Variants in PLEKHA2 observed in about 807,000 individuals in gnomAD.
PLEKHA2 encodes the protein pleckstrin homology domain-containing family A member 2.
A neutral mutation model predicts 53.2 loss-of-function variants in PLEKHA2; 28 were observed. That is an observed-to-expected ratio of 0.53 (90% CI 0.39 to 0.72). The LOEUF (loss-of-function observed/expected upper bound fraction) is 0.72, where lower values mean the gene tolerates loss of function less well. PLEKHA2 is among the 30% of genes least tolerant of loss of function. PLEKHA2 has a pLI of 0.00. For synonymous variants in PLEKHA2, 193 were observed against 196.4 expected, an observed-to-expected ratio of 0.98 and a Z score of 0.14; for missense variants, 426 against 537.9, an observed-to-expected ratio of 0.79 and a Z score of 2.06.
At chr8:38,938,011 T>C (rs1222653794) in intron 3 of PLEKHA2, among the ~76,000 whole-genome samples, 1 of 152,164 alleles carries the variant, frequency 6.6e-6, no homozygotes, top group East Asian at 1.9e-4. Flanking sequence ...GAGATGAAAG[T>C]GATGATTGGA....
Position 38,913,622 on chromosome 8 carries a change from C to T in PLEKHA2, c.-23-4285C>T, listed in dbSNP as rs557624914. Among the ~76,000 whole-genome samples, 5 of 152,220 alleles carry T rather than the reference C, an allele frequency of 3.3e-5. No individual in the cohort carries two copies. The South Asian group carries it at 8.3e-4, about 25-fold the overall frequency. Reference sequence around the variant, plus strand: ...TTGCCTGGTTTTCTTGAGGGGCTGGCGATCACCAGCATCCTGACCAGGCAG... The same window carrying T: ...TTGCCTGGTTTTCTTGAGGGGCTGGTGATCACCAGCATCCTGACCAGGCAG... On this transcript the variant is annotated intron_variant, in intron 1 of 11. Transcript: ENST00000617275.
At chr8:38,934,167 T>C (rs1014777072) in intron 2 of PLEKHA2, among the ~76,000 whole-genome samples, 89 of 151,942 alleles carry the variant, frequency 5.9e-4, no homozygotes, top group African/African-American at 2.1e-3. Flanking sequence ...AATATATATA[T>C]ATATAATGTT....
At chr8:38,913,088 G>T (rs557763082) in intron 1 of PLEKHA2, among the ~76,000 whole-genome samples, 2 of 152,172 alleles carry the variant, frequency 1.3e-5, no homozygotes, top group Non-Finnish European at 2.9e-5. Flanking sequence ...GCATGACCAG[G>T]CATGGTGGCT....
In PLEKHA2 at chr8:38,943,855, G is replaced by A; in HGVS notation, c.247+18G>A. 1 of 1,562,916 alleles carries A rather than the reference G, an allele frequency of 6.4e-7. No individual in the cohort carries two copies. On this transcript the variant is annotated intron_variant, in intron 4 of 11. Transcript: ENST00000617275. ...TTGCTTTGGTAAGTACTGAGCCAGG[G>A]GAGGGACTCATTTAATATTGACATG... is the stretch of plus-strand genomic sequence containing the variant.
intron 5 of PLEKHA2, among the ~76,000 whole-genome samples, chr8:38,947,182 G>A (rs1375182357): frequency 6.6e-6 from 1 of 152,186 alleles, no homozygotes; most frequent in African/African-American, 2.4e-5. Context: ...TGAAAAGAGA[G>A]AGGATGGATG....
chr8:38,948,085 CAAAA>C (rs386412587), intron 5 of PLEKHA2, among the ~76,000 whole-genome samples: 6 of 119,076 alleles, frequency 5.0e-5, no homozygotes, highest in Admixed American at 4.6e-4. Flanking sequence ...GACTCCATCT[CAAAA>C]AAAAAAAAAA....
At chr8:38,943,642 G>A (rs1834652632) in intron 3 of PLEKHA2, 147 bp from the exon 4 acceptor site, 1 of 532,434 alleles carries the variant, frequency 1.9e-6, no homozygotes, top group East Asian at 3.5e-5. Flanking sequence ...TCTGGATGAT[G>A]AGTACAGGGT....
At chr8:38,942,470 CAAATA>C (rs988804548) in intron 3 of PLEKHA2, among the ~76,000 whole-genome samples, 4 of 152,108 alleles carry the variant, frequency 2.6e-5, no homozygotes, top group African/African-American at 9.7e-5. Context: ...ACCCCACAAA[CAAATA>C]AAATAAAGTG....
At position 38,969,691 on chromosome 8, in the gene PLEKHA2, C is replaced by A. The variant is rs1427807788; in HGVS notation, c.1186C>A (p.Arg396=). 1.3e-6 allele frequency: 2 copies of A among 1,574,756 alleles called. No homozygotes were observed. The highest frequency in any genetic ancestry group is 2.3e-5 in the South Asian group (2 of 86,024). The stretch of plus-strand genomic sequence containing the variant: ...CGCTCCTGGGGTGCTGCCCAGCTCC[C>A]GGATAAGGCACAGATCGGAGCCCCA... ...GSAPGVLPSS[R]IRHRSEPQHP... The change falls in exon 12 of 12, where the codon CGG becomes AGG. Residue 396 remains arginine (R), a synonymous_variant. Coordinates refer to ENST00000617275, the MANE Select transcript of PLEKHA2 (RefSeq NM_021623.2).
chr8:38,929,153 G>A (rs1475909217), intron 2 of PLEKHA2, among the ~76,000 whole-genome samples: 3 of 152,212 alleles, frequency 2.0e-5, no homozygotes, highest in Non-Finnish European at 4.4e-5. Context: ...AGCAATGTCA[G>A]CTCATGCCCT....
intron 1 of PLEKHA2, among the ~76,000 whole-genome samples, chr8:38,902,222 G>T (rs549181709): frequency 1.5e-4 from 20 of 137,004 alleles, no homozygotes; most frequent in South Asian, 1.1e-3. Flanking sequence ...GAAGGGTGTG[G>T]GGGGGGGTGG....
intron 9 of PLEKHA2, among the ~76,000 whole-genome samples, chr8:38,955,071 A>G (rs1254902405): frequency 1.3e-5 from 2 of 152,152 alleles, no homozygotes. Context: ...ATTTTTTAAA[A>G]TTTCTATCGT....
rs1422936943 is a variant in PLEKHA2, at chr8:38,973,107, C to G, written c.*3324C>G. 6.6e-6 allele frequency: 1 copy of G among 152,096 alleles called. No homozygotes were observed. The highest frequency in any genetic ancestry group is 2.4e-5 in the African/African-American group (1 of 41,400). 9.4% of individuals were successfully genotyped at this position (152,096 alleles called of 1,614,324 possible). On this transcript the variant is annotated 3_prime_UTR_variant, in exon 12 of 12. Transcript: ENST00000617275. Reference sequence around the variant, plus strand: ...GGTGTGAGCCACCACGCCTGGCCACCATCTATTACTTTTGAAATCTTCAAA... The same window carrying G: ...GGTGTGAGCCACCACGCCTGGCCACGATCTATTACTTTTGAAATCTTCAAA...
intron 5 of PLEKHA2, among the ~76,000 whole-genome samples, chr8:38,949,070 T>A (rs951207669): frequency 1.3e-5 from 2 of 152,030 alleles, no homozygotes; most frequent in African/African-American, 4.8e-5. Flanking sequence ...GGAATTTCAC[T>A]ATATTGGTCA....
chr8:38,904,097 C>T (rs796110724), intron 1 of PLEKHA2, among the ~76,000 whole-genome samples: 6 of 152,056 alleles, frequency 3.9e-5, no homozygotes, highest in East Asian at 1.9e-4. Context: ...ATTGGACAGG[C>T]GGGGGAGATA....
intron 2 of PLEKHA2, among the ~76,000 whole-genome samples, chr8:38,926,470 C>G (rs1396260404): frequency 6.7e-6 from 1 of 149,848 alleles, no homozygotes; most frequent in Non-Finnish European, 1.5e-5. Context: ...CTGGATTTGA[C>G]TGGGCCTGGT....
intron 2 of PLEKHA2, among the ~76,000 whole-genome samples, chr8:38,932,672 AC>A: frequency 6.6e-6 from 1 of 152,166 alleles, no homozygotes. Flanking sequence ...GTCAGCTGTC[AC>A]CGTTCATCTT....
chr8:38,942,577 G>A (rs1834632145), intron 3 of PLEKHA2, among the ~76,000 whole-genome samples: 4 of 152,202 alleles, frequency 2.6e-5, no homozygotes, highest in African/African-American at 9.7e-5. Flanking sequence ...GGGGAGGACT[G>A]TGACATCATG....
intron 1 of PLEKHA2, among the ~76,000 whole-genome samples, chr8:38,905,470 AT>A (rs1215815137): frequency 1.1e-4 from 10 of 93,786 alleles, no homozygotes; most frequent in East Asian, 3.0e-4. Context: ...AAAAAAAAAA[AT>A]TTTTTTTAAA....
Sources: allele counts gnomAD v4.1 joint callset (sites outside exome capture counted in the v4.1 genomes callset), GRCh38; gene constraint gnomAD v4.1.1; transcripts MANE v1.5; gene names NCBI Gene and HGNC (gene_info 2026-07-23, HGNC 2026-07-21).